The following MAN1A1 variants were observed in gnomAD, a reference collection of about 807,000 sequenced individuals.
MAN1A1 encodes the protein mannosidase alpha class 1A member 1, also known as mannosyl-oligosaccharide 1,2-alpha-mannosidase IA.
MAN1A1 carries 29 observed loss-of-function variants against 70.8 expected under a neutral mutation model. The ratio of observed to expected loss-of-function variants is 0.41; its 90% confidence interval spans 0.31 to 0.56. The LOEUF is 0.56. MAN1A1 is among the 20% of genes least tolerant of loss of function. The pLI, the probability that MAN1A1 is intolerant of heterozygous loss-of-function variation, is 0.29. For missense variants in MAN1A1, 747 were observed against 841.3 expected (o/e 0.89, Z 1.39); for synonymous variants, 349 against 330.1 (o/e 1.06, Z -0.62).
intron 2 of MAN1A1, among the ~76,000 whole-genome samples, chr6:119,332,466 T>A (rs908748443): frequency 6.6e-6 from 1 of 152,228 alleles, no homozygotes; most frequent in African/African-American, 2.4e-5. Context: ...CAGACATTGC[T>A]ATTATTGCTG....
rs1157165712 is a variant in MAN1A1, at chr6:119,189,723, T to C, written c.1487A>G (p.His496Arg). 1 of 1,614,078 alleles carries C rather than the reference T, an allele frequency of 6.2e-7. No individual in the cohort carries two copies. The highest frequency in any genetic ancestry group is 8.5e-7 in the Non-Finnish European group (1 of 1,180,010). ...AATTTCAGCCCCGAGTTCAAGGTAG[T>C]GTTGGGCCATGCCTTCGGGAGCTGC... ...ADAAPEGMAQHYLELGAEIAR... is the reference protein window; with the variant it reads ...ADAAPEGMAQRYLELGAEIAR... Residue 496 changes from histidine (H) to arginine (R), a missense_variant, in exon 10 of 13, where the codon CAC (histidine) becomes CGC (arginine). Around this residue, in one of 2 missense-constraint regions of MAN1A1, gnomAD observed 419 missense variants for 548.2 expected, o/e 0.76. Coordinates refer to ENST00000368468, the MANE Select transcript of MAN1A1 (RefSeq NM_005907.4).
chr6:119,210,140 G>A (rs1019781403), intron 6 of MAN1A1, among the ~76,000 whole-genome samples: 8 of 152,226 alleles, frequency 5.3e-5, no homozygotes, highest in African/African-American at 1.2e-4. Flanking sequence ...GCGGGAAGAC[G>A]GGGGTTATGA....
intron 2 of MAN1A1, among the ~76,000 whole-genome samples, chr6:119,312,356 T>C (rs781363086): frequency 2.0e-4 from 30 of 152,318 alleles, no homozygotes; most frequent in South Asian, 1.7e-3. Flanking sequence ...AAAATATTTT[T>C]AGGGTCATTG....
At position 119,348,801 on chromosome 6, in the gene MAN1A1, C is replaced by A; in HGVS notation, c.265G>T (p.Gly89Trp). 4 of 1,440,722 alleles carry A rather than the reference C, an allele frequency of 2.8e-6. No individual in the cohort carries two copies. The South Asian group carries it at 5.9e-5, about 21-fold the overall frequency. 89.2% of individuals were successfully genotyped at this position (1,440,722 alleles called of 1,614,324 possible). A position where few individuals can be genotyped will look rare whatever the true frequency, so the allele number is the denominator to read the frequency against. ...GCGTCCTCGGCGCGCGCCCCGGGCC[C>A]GGGCTTGTGGTCGGCGGCCGGCTGC... Reference protein sequence around the residue: ...ALQPAADHKPGPGARAEDAAE... With the variant: ...ALQPAADHKPWPGARAEDAAE... Residue 89 changes from glycine (G) to tryptophan (W), a missense_variant, in exon 2 of 13, where the codon GGG (glycine) becomes TGG (tryptophan). Gly to Trp is a radical substitution (Grantham distance 184). Around this residue, in one of 2 missense-constraint regions of MAN1A1, gnomAD observed 328 missense variants for 293.1 expected, o/e 1.12. Transcript: ENST00000368468.
intron 8 of MAN1A1, among the ~76,000 whole-genome samples, chr6:119,199,510 T>A (rs1388346301): frequency 6.6e-6 from 1 of 152,196 alleles, no homozygotes; most frequent in Non-Finnish European, 1.5e-5. Flanking sequence ...CAAAGGTGTG[T>A]ACTCACAGGT....
chr6:119,291,321 T>C (rs1285350342), intron 4 of MAN1A1, among the ~76,000 whole-genome samples: 1 of 151,988 alleles, frequency 6.6e-6, no homozygotes, highest in Non-Finnish European at 1.5e-5. Context: ...GTGAAACTGT[T>C]AAATCCATTA....
intron 2 of MAN1A1, among the ~76,000 whole-genome samples, chr6:119,323,452 A>C (rs1773070371): frequency 6.6e-6 from 1 of 152,204 alleles, no homozygotes; most frequent in South Asian, 2.1e-4. Context: ...CAATTGTATC[A>C]TGTAATCAAT....
chr6:119,232,131 G>A (rs2114283416), intron 6 of MAN1A1, among the ~76,000 whole-genome samples: 1 of 152,086 alleles, frequency 6.6e-6, no homozygotes, highest in South Asian at 2.1e-4. Flanking sequence ...CCAGCACTTT[G>A]GGAGGCCGAG....
At chr6:119,212,598 T>C (rs1774085969) in intron 6 of MAN1A1, among the ~76,000 whole-genome samples, 1 of 152,152 alleles carries the variant, frequency 6.6e-6, no homozygotes, top group Admixed American at 6.5e-5. Context: ...TGCTGGAGGA[T>C]TGGGGTCTCA....
intron 5 of MAN1A1, among the ~76,000 whole-genome samples, chr6:119,262,188 TA>T (rs1775631297): frequency 4.6e-5 from 7 of 152,164 alleles, no homozygotes; most frequent in Non-Finnish European, 8.8e-5. Flanking sequence ...ACACACTGTT[TA>T]AAAACTTAAT....
At chr6:119,336,932 C>G (rs1485723490) in intron 2 of MAN1A1, among the ~76,000 whole-genome samples, 1 of 151,884 alleles carries the variant, frequency 6.6e-6, no homozygotes, top group African/African-American at 2.4e-5. Flanking sequence ...GAAGACTCTA[C>G]CTACTTTAAA....
intron 2 of MAN1A1, among the ~76,000 whole-genome samples, chr6:119,332,886 A>C (rs1646567754): frequency 6.6e-6 from 1 of 152,090 alleles, no homozygotes; most frequent in South Asian, 2.1e-4. Context: ...GGGACTTGGT[A>C]TATACCAGTG....
rs372312744 is a variant in MAN1A1 at position 119,268,241 on chromosome 6, G to A, written c.898-19887C>T. 7.9e-5 allele frequency among the ~76,000 whole-genome samples: 12 copies of A among 152,192 alleles called. No individual in the cohort carries two copies. In the South Asian group the frequency reaches 2.5e-3, roughly 32 times the overall value. ...CCAGTGATATAGTTCATACAGGAGG[G>A]GCAAGATAAATGCCTGATTCTTTTC... On this transcript the variant is annotated intron_variant, in intron 5 of 12. Coordinates refer to ENST00000368468, the MANE Select transcript of MAN1A1 (RefSeq NM_005907.4).
chr6:119,319,831 T>C (rs1294803164), intron 2 of MAN1A1, among the ~76,000 whole-genome samples: 1 of 152,162 alleles, frequency 6.6e-6, no homozygotes, highest in African/African-American at 2.4e-5. Flanking sequence ...TTCCAGCCAA[T>C]GGGACTTTTG....
rs372906112 is a variant in MAN1A1, at chr6:119,312,268, G to A, written c.604-5276C>T. 7.9e-5 allele frequency among the ~76,000 whole-genome samples: 12 copies of A among 152,250 alleles called. No homozygotes were observed. The South Asian group carries it at 2.1e-3, about 26-fold the overall frequency. ...GCTTTGAAAAACAGTGATTTTAAAA[G>A]CCTGACAGCAATTTCCATCAAACTT... On this transcript the variant is annotated intron_variant, in intron 2 of 12. Coordinates refer to ENST00000368468, the MANE Select transcript of MAN1A1 (RefSeq NM_005907.4).
chr6:119,286,789 C>A (rs947641439), intron 5 of MAN1A1, among the ~76,000 whole-genome samples: 1 of 152,076 alleles, frequency 6.6e-6, no homozygotes, highest in Non-Finnish European at 1.5e-5. Flanking sequence ...TTCTAAATGT[C>A]GTCTCTTAGC....
intron 8 of MAN1A1, among the ~76,000 whole-genome samples, chr6:119,196,325 TAAA>T (rs3839392): frequency 6.8e-6 from 1 of 146,762 alleles, no homozygotes. Context: ...AATTTCACAT[TAAA>T]AAAAAAAAAA....
At chr6:119,343,925 C>T (rs989278069) in intron 2 of MAN1A1, among the ~76,000 whole-genome samples, 5 of 152,220 alleles carry the variant, frequency 3.3e-5, no homozygotes, top group Non-Finnish European at 5.9e-5. Flanking sequence ...ATCCCTCACA[C>T]GGATCTGCAG....
Position 119,207,523 on chromosome 6 carries a change from T to C in MAN1A1, c.993-2641A>G, listed in dbSNP as rs554121310. Among the ~76,000 whole-genome samples, 7 of 152,308 alleles carry C rather than the reference T, an allele frequency of 4.6e-5. No individual in the cohort carries two copies. In the South Asian group the frequency reaches 8.3e-4, roughly 18 times the overall value. On this transcript the variant is annotated intron_variant, in intron 6 of 12. Coordinates refer to ENST00000368468, the MANE Select transcript of MAN1A1 (RefSeq NM_005907.4). ...GATGAGGACATGGGGCACACATCTA[T>C]CTACCACATGCCGCCACAGCTGAAA... is the stretch of plus-strand genomic sequence containing the variant.
Sources: allele counts gnomAD v4.1 joint callset (sites outside exome capture counted in the v4.1 genomes callset), GRCh38; gene constraint gnomAD v4.1.1; regional missense constraint gnomAD v4.1.1; transcripts MANE v1.5; gene names NCBI Gene and HGNC (gene_info 2026-07-23, HGNC 2026-07-21).